Variants in VXN observed in about 807,000 individuals in gnomAD.
VXN encodes the protein uncharacterized protein C8orf46.
VXN carries 7 observed loss-of-function variants against 23.1 expected under a neutral mutation model. That is an observed-to-expected ratio of 0.30 (90% CI 0.17 to 0.57). VXN has a LOEUF of 0.57. Ranked by LOEUF, VXN falls within the 20% of genes least tolerant of loss-of-function variation. VXN has a pLI of 0.91. For synonymous variants in VXN, 120 were observed against 105.8 expected (o/e 1.13, Z -0.83); for missense variants, 238 against 272.6 (o/e 0.87, Z 0.89).
rs1363455676 is a variant in VXN at position 66,517,750 on chromosome 8, C to T, written c.*1674C>T. 6.6e-6 allele frequency: 1 copy of T among 152,226 alleles called. No homozygotes were observed. Among genetic ancestry groups the T allele is most frequent in the African/African-American group, 2.4e-5 (1 of 41,452 alleles). The allele number at this position is 152,226 out of a possible 1,614,324, so 9.4% of individuals were successfully genotyped here. A position where few individuals can be genotyped will look rare whatever the true frequency, so the allele number is the denominator to read the frequency against. On this transcript the variant is annotated 3_prime_UTR_variant, in exon 6 of 6. Coordinates refer to ENST00000305454, the MANE Select transcript of VXN (RefSeq NM_152765.4). ...AGCCCACTTAATAAAACCAGAGATCCTATGGGAAATTTAGCCTAAGACAGT... is the reference window on the plus strand; with the variant it reads ...AGCCCACTTAATAAAACCAGAGATCTTATGGGAAATTTAGCCTAAGACAGT...
At chr8:66,496,287 C>A (rs1305295030) in intron 1 of VXN, 150 bp from the exon 2 acceptor site, 2 of 675,708 alleles carry the variant, frequency 3.0e-6, no homozygotes, top group South Asian at 1.9e-5. Context: ...CAAGTAACAT[C>A]TTCAATCGCA....
chr8:66,515,825 T>C (rs12547731), intron 5 of VXN, 68 bp from the exon 6 acceptor site: 33,889 of 1,415,632 alleles, frequency 0.024, 2,188 homozygotes, highest in African/African-American at 0.21. Context: ...CCACTCTTCT[T>C]AAGGGCAAAA....
At chr8:66,513,089 C>T (rs1221496544) in intron 4 of VXN, among the ~76,000 whole-genome samples, 1 of 152,184 alleles carries the variant, frequency 6.6e-6, no homozygotes, top group African/African-American at 2.4e-5. Context: ...AACGGAGAGG[C>T]TGGGCTGGCC....
Position 66,516,676 on chromosome 8 carries a change from A to G in VXN, c.*600A>G, listed in dbSNP as rs1009482564. The G allele has an allele frequency of 6.6e-6, 1 of 152,262 alleles. No homozygotes were observed. Among genetic ancestry groups the G allele is most frequent in the Admixed American group, 6.5e-5 (1 of 15,290 alleles). The allele number at this position is 152,262 out of a possible 1,614,324, so 9.4% of individuals were successfully genotyped here. On this transcript the variant is annotated 3_prime_UTR_variant, in exon 6 of 6. Coordinates refer to ENST00000305454, the MANE Select transcript of VXN (RefSeq NM_152765.4). ...TGCAGTTTTTCTATAGAAAAACATT[A>G]AAAGTTAAATGTTGACTGCTAATGT...
Position 66,496,458 on chromosome 8 carries a change from G to A in VXN, c.92G>A (p.Arg31Lys), listed in dbSNP as rs772662854. ...GCAGTATCCAGTCCAGCCAGAAGAA[G>A]AGCCAAAAGCTCTCAGCACCTCTTG... ...PSKVSSPARR[R>K]AKSSQHLLTK... Residue 31 changes from arginine (R) to lysine (K), a missense_variant, in exon 2 of 6, where the codon AGA (arginine) becomes AAA (lysine). Transcript: ENST00000305454. The A allele has an allele frequency of 1.2e-6, 2 of 1,614,174 alleles. No homozygotes were observed. The highest frequency in any genetic ancestry group is 1.7e-6 in the Non-Finnish European group (2 of 1,180,012).
At chr8:66,494,358 A>G (rs1807601667) in intron 1 of VXN, among the ~76,000 whole-genome samples, 2 of 152,152 alleles carry the variant, frequency 1.3e-5, no homozygotes, top group South Asian at 4.2e-4. Context: ...GATGACTCCA[A>G]GTGTCTGGTT....
rs183688594 is a variant in VXN, at chr8:66,505,045, C to T, written c.127-330C>T. On this transcript the variant is annotated intron_variant, in intron 2 of 5. Transcript: ENST00000305454. ...CTGTTGTCAAAACACGTCAGGCGAC[C>T]GGGCAGCTGGCCTGCCCGTATCTCT... is the stretch of plus-strand genomic sequence containing the variant. 2.8e-3 allele frequency among the ~76,000 whole-genome samples: 426 copies of T among 152,338 alleles called. 4 individuals carry two copies. Among genetic ancestry groups the T allele is most frequent in the Middle Eastern group, 0.024 (7 of 294 alleles).
chr8:66,505,482 C>A lies in VXN; in HGVS notation c.234C>A (p.Thr78=). 1 of 1,568,462 alleles carries A rather than the reference C, an allele frequency of 6.4e-7. No individual in the cohort carries two copies. Among genetic ancestry groups the A allele is most frequent in the Non-Finnish European group, 8.6e-7 (1 of 1,158,658 alleles). ...GDRRRFGRLQ[T]ARPPTAHPAK... The stretch of plus-strand genomic sequence containing the variant: ...GCCGCAGGTTTGGGCGGCTCCAGAC[C>A]GCGCGGCCGCCCACAGCCCACCCGG... Residue 78 remains threonine (T), a synonymous_variant, in exon 3 of 6, where the codon ACC becomes ACA. Transcript: ENST00000305454.
intron 4 of VXN, among the ~76,000 whole-genome samples, chr8:66,511,389 T>G (rs1586522053): frequency 6.6e-6 from 1 of 152,238 alleles, no homozygotes; most frequent in African/African-American, 2.4e-5. Flanking sequence ...TGGACAGAGA[T>G]ATGGGTGCTT....
chr8:66,505,854 G>A lies in VXN; in HGVS notation c.280+326G>A, dbSNP rs1318683781. On this transcript the variant is annotated intron_variant, in intron 3 of 5. Coordinates refer to ENST00000305454, the MANE Select transcript of VXN (RefSeq NM_152765.4). The stretch of plus-strand genomic sequence containing the variant: ...CTCACTGTGTTACCTAGGCTGGAGT[G>A]CAGTGGCAGCAATCACGGCTCACTG... 2.0e-5 allele frequency among the ~76,000 whole-genome samples: 3 copies of A among 152,100 alleles called. No homozygotes were observed. In the East Asian group the frequency reaches 5.8e-4, roughly 29 times the overall value.
chr8:66,504,833 C>G (rs1807731474), intron 2 of VXN, among the ~76,000 whole-genome samples: 1 of 152,224 alleles, frequency 6.6e-6, no homozygotes. Flanking sequence ...GCCCCCTGCT[C>G]CATTTTGCCA....
chr8:66,508,222 C>T (rs577470327), intron 3 of VXN, among the ~76,000 whole-genome samples: 64 of 152,236 alleles, frequency 4.2e-4, no homozygotes, highest in Middle Eastern at 3.4e-3. Context: ...GAAACACTGA[C>T]GGCATCCACT....
intron 2 of VXN, among the ~76,000 whole-genome samples, chr8:66,498,219 A>G (rs1296174894): frequency 6.6e-6 from 1 of 151,454 alleles, no homozygotes; most frequent in East Asian, 1.9e-4. Flanking sequence ...TTGTTGTCCT[A>G]GCTACTTGGG....
chr8:66,500,738 G>A (rs1807681761), intron 2 of VXN, among the ~76,000 whole-genome samples: 1 of 151,986 alleles, frequency 6.6e-6, no homozygotes, highest in South Asian at 2.1e-4. Context: ...GTGTCTGCCT[G>A]TACCCAATAT....
intron 1 of VXN, among the ~76,000 whole-genome samples, chr8:66,494,210 C>T (rs1238986406): frequency 1.3e-5 from 2 of 152,178 alleles, no homozygotes; most frequent in Non-Finnish European, 2.9e-5. Context: ...CCTGGGCTGG[C>T]TTCTCCACAG....
intron 3 of VXN, among the ~76,000 whole-genome samples, chr8:66,506,438 C>A (rs1807760636): frequency 6.6e-6 from 1 of 151,468 alleles, no homozygotes; most frequent in Non-Finnish European, 1.5e-5. Context: ...TGGCTTCCAC[C>A]CCAAGCAGAT....
At chr8:66,496,346 C>A in intron 1 of VXN, 91 bp from the exon 2 acceptor site, 1 of 1,253,938 alleles carries the variant, frequency 8.0e-7, no homozygotes, top group South Asian at 1.2e-5. Flanking sequence ...CCTGCCTCGC[C>A]ACAGATTCAA....
intron 2 of VXN, among the ~76,000 whole-genome samples, chr8:66,502,730 C>G (rs1459018401): frequency 4.6e-5 from 7 of 151,910 alleles, no homozygotes; most frequent in Non-Finnish European, 1.0e-4. Context: ...GCCTGGGTGA[C>G]AGAGTGAGAC....
chr8:66,498,680 C>G (rs2130542709), intron 2 of VXN: 1 of 327,766 alleles, frequency 3.1e-6, no homozygotes, highest in South Asian at 2.5e-5. Flanking sequence ...GGGTTGTCCA[C>G]AGAATGGAGA....
Sources: allele counts gnomAD v4.1 joint callset (sites outside exome capture counted in the v4.1 genomes callset), GRCh38; gene constraint gnomAD v4.1.1; transcripts MANE v1.5; gene names NCBI Gene and HGNC (gene_info 2026-07-23, HGNC 2026-07-21).